Variants in EIF2A observed in about 807,000 individuals in gnomAD.
EIF2A encodes the protein eukaryotic translation initiation factor 2A, also known as 65 kDa eukaryotic translation initiation factor 2A.
A neutral mutation model predicts 75.2 loss-of-function variants in EIF2A; 62 were observed. The ratio of observed to expected loss-of-function variants is 0.82; its 90% CI spans 0.67 to 1.02. EIF2A has a LOEUF of 1.02. Among genes scored for constraint, EIF2A ranks in the 50% least tolerant of loss-of-function variants. The pLI, the probability that EIF2A is intolerant of heterozygous loss-of-function variation, is 0.00. For synonymous variants in EIF2A, 207 were observed against 239.0 expected, an observed-to-expected ratio of 0.87 and a Z score of 1.23; for missense variants, 611 against 677.7, an observed-to-expected ratio of 0.90 and a Z score of 1.09.
At chr3:150,555,552 C>T (rs1374948964) in intron 2 of EIF2A, among the ~76,000 whole-genome samples, 1 of 151,844 alleles carries the variant, frequency 6.6e-6, no homozygotes, top group African/African-American at 2.4e-5. Flanking sequence ...GCCACCACAC[C>T]CGGCCATGTA....
chr3:150,555,654 C>G (rs1481863866), intron 2 of EIF2A, among the ~76,000 whole-genome samples: 2 of 151,648 alleles, frequency 1.3e-5, no homozygotes, highest in Admixed American at 6.6e-5. Context: ...TTTGGGAGGC[C>G]AAGGTGGGTG....
At chr3:150,564,219 T>C (rs1036814596) in intron 5 of EIF2A, 80 bp from the exon 6 acceptor site, 30 of 1,076,832 alleles carry the variant, frequency 2.8e-5, no homozygotes, top group Non-Finnish European at 3.5e-5. Flanking sequence ...ACCAATATCA[T>C]AAATTACTTT....
chr3:150,555,718 A>T (rs1047347683), intron 2 of EIF2A, among the ~76,000 whole-genome samples: 1 of 151,936 alleles, frequency 6.6e-6, no homozygotes, highest in South Asian at 2.1e-4. Context: ...GCAAAACCCC[A>T]TATCTATTTA....
chr3:150,569,431 TTAAC>T (rs1054152900), intron 9 of EIF2A, among the ~76,000 whole-genome samples: 1 of 151,988 alleles, frequency 6.6e-6, no homozygotes, highest in African/African-American at 2.4e-5. Context: ...TTTTTTTTTT[TTAAC>T]TAAATAAACT....
chr3:150,559,823 ATATAAT>A (rs1057481842), intron 3 of EIF2A, among the ~76,000 whole-genome samples: 58 of 152,234 alleles, frequency 3.8e-4, no homozygotes, highest in African/African-American at 1.3e-3. Flanking sequence ...ATCATTAATA[ATATAAT>A]TATAATGAGT....
At chr3:150,581,866 G>A in intron 12 of EIF2A, 120 bp downstream of exon 12, 1 of 1,219,190 alleles carries the variant, frequency 8.2e-7, no homozygotes, top group Non-Finnish European at 1.1e-6. Flanking sequence ...AGTTCTCATT[G>A]TTGTTTTCTC....
Position 150,546,795 on chromosome 3 carries a change from G to T in EIF2A, c.-8G>T. The T allele has an allele frequency of 1.2e-6, 2 of 1,612,444 alleles. No homozygotes were observed. Among genetic ancestry groups the T allele is most frequent in the Non-Finnish European group, 1.7e-6 (2 of 1,179,892 alleles). ...TCTCACCCGAGCGGTTTCTCTTTCC[G>T]GGACAACATGGCGCCGTCCACGCCG... is the stretch of plus-strand genomic sequence containing the variant. On this transcript the variant is annotated 5_prime_UTR_variant, in exon 1 of 14. Transcript: ENST00000460851.
At position 150,552,508 on chromosome 3, in the gene EIF2A, AGAAAG is replaced by A. The variant is rs1723366638; in HGVS notation, c.98+88_98+92del. 6 of 1,135,390 alleles carry A rather than the reference AGAAAG, an allele frequency of 5.3e-6. No homozygotes were observed. The South Asian group carries it at 8.7e-5, about 17-fold the overall frequency. 70.3% of individuals were successfully genotyped at this position (1,135,390 alleles called of 1,614,324 possible). On this transcript the variant is annotated intron_variant, in intron 2 of 13. Transcript: ENST00000460851. ...TTTTGTTGGTGGTGTATTTTGAACA[AGAAAG>A]GAAAAGAACAGATGAACTCATTTTT...
Position 150,584,702 on chromosome 3 carries a change from A to G in EIF2A, c.*791A>G, listed in dbSNP as rs1576611746. On this transcript the variant is annotated 3_prime_UTR_variant, in exon 14 of 14. Coordinates refer to ENST00000460851, the MANE Select transcript of EIF2A (RefSeq NM_032025.5). ...TATTTTTATCAGAGATGGGTTATGT[A>G]CTTTTCCACGTTTGATAGTTGGTTG... Among the ~76,000 whole-genome samples the G allele has an allele frequency of 2.6e-5, 4 of 152,168 alleles. No homozygotes were observed. The highest frequency in any genetic ancestry group is 9.7e-5 in the African/African-American group (4 of 41,426).
At position 150,567,976 on chromosome 3, in the gene EIF2A, A is replaced by C; in HGVS notation, c.624A>C (p.Gly208=). The C allele has an allele frequency of 1.2e-6, 2 of 1,613,514 alleles. No individual in the cohort carries two copies. The highest frequency in any genetic ancestry group is 1.7e-6 in the Non-Finnish European group (2 of 1,179,740). Residue 208 remains glycine (G), a synonymous_variant, in exon 8 of 14, where the codon GGA becomes GGC. Transcript: ENST00000460851. ...TATATCAGTACCCCAACTTTGCTGG[A>C]CCTCATGCAGCTTTAGCTAATAAAA... ...VRLYQYPNFA[G]PHAALANKSF...
chr3:150,558,438 T>C lies in EIF2A; in HGVS notation c.149T>C (p.Leu50Ser). Residue 50 changes from leucine (L) to serine (S), a missense_variant, in exon 3 of 14, where the codon TTG becomes TCG. Transcript: ENST00000460851. ...TGTATCTTTAGTAAGGATGGGACCT[T>C]GTTTGCCTGGGGCAATGGAGAAAAG... ...KVCIFSKDGT[L>S]FAWGNGEKVN... The C allele has an allele frequency of 1.3e-6, 2 of 1,521,470 alleles. No homozygotes were observed. The highest frequency in any genetic ancestry group is 1.7e-6 in the Non-Finnish European group (2 of 1,143,686). The allele number at this position is 1,521,470 out of a possible 1,614,324, so 94.2% of individuals were successfully genotyped here.
Position 150,585,037 on chromosome 3 carries a change from C to G in EIF2A, c.*1126C>G, listed in dbSNP as rs1377579825. 6.6e-6 allele frequency among the ~76,000 whole-genome samples: 1 copy of G among 151,890 alleles called. No homozygotes were observed. The highest frequency in any genetic ancestry group is 2.4e-5 in the African/African-American group (1 of 41,352). The stretch of plus-strand genomic sequence containing the variant: ...AAAAAAAAAAGATGGCATATACTAA[C>G]TGTTCTGTTTGGGGCTTTTTGGTGG... On this transcript the variant is annotated 3_prime_UTR_variant, in exon 14 of 14. Transcript: ENST00000460851.
Position 150,549,097 on chromosome 3 carries a change from G to C in EIF2A, c.28+2267G>C, listed in dbSNP as rs895283912. Among the ~76,000 whole-genome samples the C allele has an allele frequency of 1.2e-4, 18 of 151,210 alleles. No individual in the cohort carries two copies. In the East Asian group the frequency reaches 2.9e-3, roughly 25 times the overall value. On this transcript the variant is annotated intron_variant, in intron 1 of 13. Transcript: ENST00000460851. Reference sequence around the variant, plus strand: ...TTAACCCCAACTCTTAATTGGGAGTGACAAGCCAAAGCAGGTGAAAAAGGG... The same window carrying C: ...TTAACCCCAACTCTTAATTGGGAGTCACAAGCCAAAGCAGGTGAAAAAGGG...
intron 11 of EIF2A, among the ~76,000 whole-genome samples, chr3:150,579,677 T>C (rs1166727596): frequency 1.3e-5 from 2 of 148,862 alleles, no homozygotes; most frequent in African/African-American, 5.0e-5. Flanking sequence ...ATCGTGCCAC[T>C]GCACTCCAGC....
At chr3:150,558,672 TA>T (rs1316037321) in intron 3 of EIF2A, 10 of 317,580 alleles carry the variant, frequency 3.1e-5, no homozygotes, top group Admixed American at 5.0e-5. Context: ...TACTTAGAAT[TA>T]AAAATTAATA....
chr3:150,583,618 G>T (rs1283102674), intron 13 of EIF2A, among the ~76,000 whole-genome samples: 1 of 152,060 alleles, frequency 6.6e-6, no homozygotes, highest in African/African-American at 2.4e-5. Context: ...CCCGAATATA[G>T]AATTGAAAAT....
At chr3:150,570,017 G>A (rs1724415065) in intron 9 of EIF2A, among the ~76,000 whole-genome samples, 1 of 152,144 alleles carries the variant, frequency 6.6e-6, no homozygotes, top group African/African-American at 2.4e-5. Context: ...TGGGATAACT[G>A]GCTAGCCATT....
rs988019999 is a variant in EIF2A, at chr3:150,580,770, A to C, written c.1498-848A>C. On this transcript the variant is annotated intron_variant, in intron 11 of 13. Transcript: ENST00000460851. ...TAAGTAAAATAAGGGTTACTTAAAC[A>C]CAACTACTGTTGATACTGTGACAGT... Among the ~76,000 whole-genome samples, 9 of 152,338 alleles carry C rather than the reference A, an allele frequency of 5.9e-5. No individual in the cohort carries two copies. The East Asian group carries it at 1.3e-3, about 23-fold the overall frequency.
At chr3:150,578,363 ATTAG>A (rs1268583066) in intron 11 of EIF2A, among the ~76,000 whole-genome samples, 2 of 148,802 alleles carry the variant, frequency 1.3e-5, no homozygotes, top group Non-Finnish European at 3.0e-5. Context: ...TACAAATTCT[ATTAG>A]TTTATACATT....
Sources: allele counts gnomAD v4.1 joint callset (sites outside exome capture counted in the v4.1 genomes callset), GRCh38; gene constraint gnomAD v4.1.1; transcripts MANE v1.5; gene names NCBI Gene and HGNC (gene_info 2026-07-23, HGNC 2026-07-21).